PKD1L3: variants seen among roughly 807,000 people sequenced by gnomAD.
The protein encoded by PKD1L3 is polycystin-1-like protein 3.
PKD1L3 carries 239 observed loss-of-function variants against 184.1 expected under a neutral mutation model. That is an observed-to-expected ratio of 1.30 (90% CI 1.17 to 1.45). The LOEUF (loss-of-function observed/expected upper bound fraction) is 1.45. Among genes scored for constraint, PKD1L3 ranks in the 40% most tolerant of loss-of-function variants. PKD1L3 has a pLI of 0.00. For missense variants in PKD1L3, 2,660 were observed against 2,067.2 expected (o/e 1.29, Z -5.56); for synonymous variants, 996 against 778.8 (o/e 1.28, Z -4.64).
intron 11 of PKD1L3, among the ~76,000 whole-genome samples, chr16:71,976,228 G>C (rs1450456790): frequency 6.9e-6 from 1 of 145,466 alleles, no homozygotes. Context: ...GATTACAGTG[G>C]GATTTCAGGC....
Position 71,947,289 on chromosome 16 carries a change from G to A in PKD1L3, c.3718+203C>T, listed in dbSNP as rs575297306. ...ATAAAATTAAATAAAATGCAGGGGA[G>A]AGATGAAGCACTGGGAGAGAGGATG... On this transcript the variant is annotated intron_variant, in intron 22 of 29. Coordinates refer to ENST00000620267, the MANE Select transcript of PKD1L3 (RefSeq NM_181536.2). 2.0e-5 allele frequency among the ~76,000 whole-genome samples: 3 copies of A among 152,166 alleles called. No individual in the cohort carries two copies. In the South Asian group the frequency reaches 6.2e-4, roughly 32 times the overall value.
chr16:71,950,737 C>CT (rs200363488), intron 19 of PKD1L3, among the ~76,000 whole-genome samples: 52,876 of 140,356 alleles, frequency 0.38, 11,104 homozygotes, highest in African/African-American at 0.55. Context: ...GTATTTCTCT[C>CT]TTTTTTTTTT....
At chr16:71,934,236 T>G in intron 26 of PKD1L3, 111 bp from the exon 27 acceptor site, 1 of 968,096 alleles carries the variant, frequency 1.0e-6, no homozygotes, top group Non-Finnish European at 1.5e-6. Flanking sequence ...TGAGGTCAAA[T>G]GCTTGTTGAT....
intron 7 of PKD1L3, among the ~76,000 whole-genome samples, chr16:71,981,117 T>C (rs2040133457): frequency 6.6e-6 from 1 of 152,230 alleles, no homozygotes; most frequent in African/African-American, 2.4e-5. Flanking sequence ...TACTTAGCCA[T>C]CCATTAGATC....
intron 16 of PKD1L3, 86 bp from the exon 17 acceptor site, chr16:71,954,387 C>A (rs1305776344): frequency 7.6e-6 from 8 of 1,053,220 alleles, no homozygotes; most frequent in African/African-American, 4.9e-5. Flanking sequence ...CAGCAACAAG[C>A]GACATAGCAA....
intron 4 of PKD1L3, among the ~76,000 whole-genome samples, chr16:71,988,172 G>C (rs978511122): frequency 2.0e-5 from 3 of 152,114 alleles, no homozygotes; most frequent in African/African-American, 7.2e-5. Flanking sequence ...ATCAGTAGGA[G>C]GCAAATGTAA....
In PKD1L3 at chr16:71,980,099, A is replaced by G. The variant is rs576458096; in HGVS notation, c.1179T>C (p.Phe393=). ...CTAGAAATGCTTCCCCGATATTCCC[A>G]AACTCCACCAAGGACATTTCCAGGA... ...EDILEMSLVE[F]GNIGEAFLEQ... The change falls in exon 8 of 30, where the codon TTT becomes TTC. Residue 393 remains phenylalanine (F), a synonymous_variant. Coordinates refer to ENST00000620267, the MANE Select transcript of PKD1L3 (RefSeq NM_181536.2). The G allele has an allele frequency of 4.7e-4, 736 of 1,551,710 alleles. 2 individuals are homozygous for G. The highest frequency in any genetic ancestry group is 8.3e-4 in the Middle Eastern group (5 of 5,994).
chr16:71,967,858 A>T, intron 14 of PKD1L3, 48 bp downstream of exon 14: 1 of 1,427,510 alleles, frequency 7.0e-7, no homozygotes, highest in Non-Finnish European at 9.6e-7. Flanking sequence ...AGTGTGTCTC[A>T]TGTGGCAGAA....
intron 4 of PKD1L3, 102 bp downstream of exon 4, chr16:71,990,178 C>T: frequency 1.1e-6 from 1 of 935,574 alleles, no homozygotes; most frequent in Admixed American, 3.8e-5. Flanking sequence ...TATTAGAAAA[C>T]TATATTCAGA....
chr16:71,945,266 CTATATATATATATA>C (rs60469321), intron 22 of PKD1L3, among the ~76,000 whole-genome samples: 58 of 63,948 alleles, frequency 9.1e-4, no homozygotes, highest in Non-Finnish European at 1.4e-3. Flanking sequence ...AATTTCTTAA[CTATATATATATATA>C]TATATATATA....
intron 19 of PKD1L3, among the ~76,000 whole-genome samples, chr16:71,951,106 CT>C (rs1039405829): frequency 6.6e-6 from 1 of 151,810 alleles, no homozygotes; most frequent in Non-Finnish European, 1.5e-5. Context: ...GTGGCGCGAT[CT>C]CAGCTCACTG....
chr16:71,945,281 TATATATATATATATATATATATATAC>T (rs1319289933), intron 22 of PKD1L3, among the ~76,000 whole-genome samples: 3 of 56,692 alleles, frequency 5.3e-5, no homozygotes, highest in African/African-American at 3.2e-4. Flanking sequence ...TATATATATA[TATATATATATATATATATATATATAC>T]ACACACACAC....
intron 14 of PKD1L3, 134 bp downstream of exon 14, chr16:71,967,772 A>G (rs1264094120): frequency 3.9e-6 from 3 of 763,826 alleles, no homozygotes; most frequent in East Asian, 5.6e-5. Context: ...GCCCACATGT[A>G]CAGTTTAGAA....
In PKD1L3 at chr16:71,947,476, G is replaced by C; in HGVS notation, c.3718+16C>G. 2 of 1,492,310 alleles carry C rather than the reference G, an allele frequency of 1.3e-6. No homozygotes were observed. Among genetic ancestry groups the C allele is most frequent in the Non-Finnish European group, 1.8e-6 (2 of 1,094,444 alleles). 92.4% of individuals were successfully genotyped at this position (1,492,310 alleles called of 1,614,324 possible). ...TTTTTGCAAAATTAGGTAGTTGTTA[G>C]AACTACTTGAGTTACCCAAGAGTGC... On this transcript the variant is annotated intron_variant, in intron 22 of 29. Transcript: ENST00000620267.
chr16:71,999,598 A>G, intron 1 of PKD1L3, 86 bp downstream of exon 1: 1 of 1,286,064 alleles, frequency 7.8e-7, no homozygotes, highest in Non-Finnish European at 1.0e-6. Context: ...ACAAAAGCAG[A>G]AAGATTAAGA....
At chr16:71,944,594 G>A (rs1380859051) in intron 22 of PKD1L3, among the ~76,000 whole-genome samples, 3 of 152,074 alleles carry the variant, frequency 2.0e-5, no homozygotes, top group Non-Finnish European at 4.4e-5. Context: ...GAGGTGAGAG[G>A]ACTGATTAAG....
In PKD1L3 at chr16:71,998,241, G is replaced by A. The variant is rs775040210; in HGVS notation, c.418+31C>T. 8 of 1,550,760 alleles carry A rather than the reference G, an allele frequency of 5.2e-6. No individual in the cohort carries two copies. In the African/African-American group the frequency reaches 8.2e-5, roughly 16 times the overall value. ...TTTAGAATCAGTTTCTAAAATTTGG[G>A]TCTTTGGCAGCATGTAGCTTTATCA... On this transcript the variant is annotated intron_variant, in intron 2 of 29. Transcript: ENST00000620267.
chr16:71,934,990 T>G (rs988546168), intron 26 of PKD1L3, among the ~76,000 whole-genome samples: 3 of 152,236 alleles, frequency 2.0e-5, no homozygotes, highest in African/African-American at 7.2e-5. Flanking sequence ...GCAGCTCCCT[T>G]TGCATTTAAA....
chr16:71,973,613 T>C, intron 11 of PKD1L3, 96 bp from the exon 12 acceptor site: 1 of 1,133,426 alleles, frequency 8.8e-7, no homozygotes, highest in African/African-American at 1.6e-5. Context: ...ATTTTACAAA[T>C]GAGACCATGA....
Sources: allele counts gnomAD v4.1 joint callset (sites outside exome capture counted in the v4.1 genomes callset), GRCh38; gene constraint gnomAD v4.1.1; transcripts MANE v1.5; gene names NCBI Gene and HGNC (gene_info 2026-07-23, HGNC 2026-07-21).